PCDHGA3: variants seen among roughly 807,000 people sequenced by gnomAD.
The protein encoded by PCDHGA3 is protocadherin gamma subfamily A, 3, also known as protocadherin gamma-A3.
A neutral mutation model predicts 58.5 loss-of-function variants in PCDHGA3; 40 were observed. That is an observed-to-expected ratio of 0.68 (90% CI 0.53 to 0.89). The LOEUF is 0.89. Ranked by LOEUF, PCDHGA3 falls within the 40% of genes least tolerant of loss-of-function variation. The pLI, the probability that PCDHGA3 is intolerant of heterozygous loss-of-function variation, is 0.00. For synonymous variants in PCDHGA3, 530 were observed against 525.7 expected (o/e 1.01, Z -0.11); for missense variants, 1,223 against 1,195.9 (o/e 1.02, Z -0.33).
intron 1 of PCDHGA3, among the ~76,000 whole-genome samples, chr5:141,369,647 A>G (rs987289952): frequency 1.3e-5 from 2 of 152,064 alleles, no homozygotes; most frequent in Admixed American, 6.6e-5. Context: ...TTTTGGGGGG[A>G]GATAATAAAG....
chr5:141,430,485 G>T (rs926788879), intron 1 of PCDHGA3: 2 of 252,972 alleles, frequency 7.9e-6, no homozygotes, highest in Non-Finnish European at 7.4e-6. Flanking sequence ...ATATAAAAAC[G>T]AAATATCCTT....
At chr5:141,418,922 C>A in intron 1 of PCDHGA3, 1 of 1,613,994 alleles carries the variant, frequency 6.2e-7, no homozygotes, top group Non-Finnish European at 8.5e-7. Context: ...ACTCTCTGAT[C>A]AGATTATGGA....
At chr5:141,419,757 G>C in intron 1 of PCDHGA3, 1 of 1,613,994 alleles carries the variant, frequency 6.2e-7, no homozygotes, top group Non-Finnish European at 8.5e-7. Flanking sequence ...CGTGCTTTGG[G>C]TGACAAGGAC....
intron 1 of PCDHGA3, chr5:141,362,249 T>A (rs1275406008): frequency 3.1e-6 from 5 of 1,614,024 alleles, no homozygotes; most frequent in Non-Finnish European, 4.2e-6. Flanking sequence ...CTCTTCTTCC[T>A]CGCGGTGATT....
Position 141,487,203 on chromosome 5 carries a change from G to A in PCDHGA3, c.2425-7604G>A, listed in dbSNP as rs765707343. 6.8e-6 allele frequency: 11 copies of A among 1,613,804 alleles called. No homozygotes were observed. The highest frequency in any genetic ancestry group is 5.3e-5 in the African/African-American group (4 of 74,890). The stretch of plus-strand genomic sequence containing the variant: ...ACTCATCCAGTTGTCCCAGATCTTC[G>A]AGAATCTTCAGCTCCAAGGGAAGGA... On this transcript the variant is annotated intron_variant, in intron 1 of 3. Transcript: ENST00000253812. This position sits in a 1 kb window ranked among gnomAD's most constrained non-coding sequence, Gnocchi z 5.0.
At chr5:141,408,045 A>G (rs544263424) in intron 1 of PCDHGA3, 8 of 1,236,658 alleles carry the variant, frequency 6.5e-6, no homozygotes, top group Admixed American at 3.0e-5. Flanking sequence ...CAGCTCCCAC[A>G]CAGAGCCTCC....
chr5:141,489,776 C>T lies in PCDHGA3; in HGVS notation c.2425-5031C>T. The T allele has an allele frequency of 6.2e-7, 1 of 1,614,202 alleles. No homozygotes were observed. Among genetic ancestry groups the T allele is most frequent in the Non-Finnish European group, 8.5e-7 (1 of 1,180,020 alleles). On this transcript the variant is annotated intron_variant, in intron 1 of 3. Transcript: ENST00000253812. This position sits in a 1 kb window ranked among gnomAD's most constrained non-coding sequence, Gnocchi z 4.5. ...ACTCTAAGCCCCAACAGCCACTTCT[C>T]TCTGAATGTGAAGACCCTAAAAGAT...
chr5:141,405,016 C>G (rs538744733), intron 1 of PCDHGA3: 1 of 1,613,888 alleles, frequency 6.2e-7, no homozygotes. Flanking sequence ...AGGCCTCAGA[C>G]CTTACCCTCT....
chr5:141,393,565 T>G, intron 1 of PCDHGA3: 1 of 1,613,912 alleles, frequency 6.2e-7, no homozygotes, highest in Non-Finnish European at 8.5e-7. Context: ...CGAGTGAAAG[T>G]CCTTGAGAAC....
chr5:141,456,700 C>G (rs1420857227), intron 1 of PCDHGA3, among the ~76,000 whole-genome samples: 2 of 152,060 alleles, frequency 1.3e-5, no homozygotes, highest in Admixed American at 1.3e-4. Flanking sequence ...CGTGGTGGCT[C>G]GCGCCTGTAA....
intron 1 of PCDHGA3, chr5:141,423,057 T>C (rs1443300486): frequency 6.2e-7 from 1 of 1,614,060 alleles, no homozygotes; most frequent in Non-Finnish European, 8.5e-7. Flanking sequence ...ATCGCCTGCT[T>C]AAGGCCAGCG....
intron 1 of PCDHGA3, chr5:141,390,140 A>G (rs747174609): frequency 3.5e-5 from 57 of 1,613,798 alleles, no homozygotes; most frequent in Middle Eastern, 1.6e-4. Context: ...CCTACAATCT[A>G]TGTGTTGCAC....
intron 1 of PCDHGA3, chr5:141,414,204 T>C (rs748616910): frequency 1.2e-6 from 2 of 1,612,266 alleles, no homozygotes; most frequent in East Asian, 2.2e-5. Flanking sequence ...CAGTAGAAGA[T>C]GTAAATGACA....
intron 1 of PCDHGA3, among the ~76,000 whole-genome samples, chr5:141,435,367 A>C (rs2097758993): frequency 1.3e-5 from 2 of 152,194 alleles, no homozygotes; most frequent in African/African-American, 4.8e-5. Flanking sequence ...TTTATCACTT[A>C]AATATACAAT....
At chr5:141,375,557 G>T (rs1160596322) in intron 1 of PCDHGA3, 1 of 1,613,988 alleles carries the variant, frequency 6.2e-7, no homozygotes, top group Admixed American at 1.7e-5. Context: ...CTACTCACTG[G>T]CAGAAGACAC....
intron 2 of PCDHGA3, among the ~76,000 whole-genome samples, chr5:141,498,404 C>T (rs1283586713): frequency 6.6e-6 from 1 of 152,104 alleles, no homozygotes; most frequent in African/African-American, 2.4e-5. Context: ...AGGGAGTTTT[C>T]TCTTTGCTGG....
chr5:141,507,365 C>G (rs1279257057), intron 3 of PCDHGA3: 1 of 152,092 alleles, frequency 6.6e-6, no homozygotes, highest in African/African-American at 2.4e-5. Context: ...ACTGGGAGCC[C>G]TGTACTTTTA....
intron 1 of PCDHGA3, chr5:141,399,911 G>A: frequency 6.2e-7 from 1 of 1,612,384 alleles, no homozygotes; most frequent in Non-Finnish European, 8.5e-7. Flanking sequence ...GCAGACTCAG[G>A]ACACAACGCC....
In PCDHGA3 at chr5:141,487,680, A is replaced by G; in HGVS notation, c.2425-7127A>G. On this transcript the variant is annotated intron_variant, in intron 1 of 3. Coordinates refer to ENST00000253812, the MANE Select transcript of PCDHGA3 (RefSeq NM_018916.4). This position sits in a 1 kb window ranked among gnomAD's most constrained non-coding sequence, Gnocchi z 5.0. ...TCTGATCCAGGCATATGGCTAGGCC[A>G]TGTCCTAGAGAGTACTGGCCTCTCA... 6.2e-7 allele frequency: 1 copy of G among 1,609,370 alleles called. No individual in the cohort carries two copies. The highest frequency in any genetic ancestry group is 2.2e-5 in the East Asian group (1 of 44,826).
Sources: gnomAD v4.1 joint callset for allele counts (sites outside exome capture counted in the v4.1 genomes callset) on GRCh38, gnomAD v4.1.1 for gene constraint, Gnocchi (gnomAD v3.1) non-coding constraint, MANE v1.5 for transcripts, NCBI Gene and HGNC (gene_info 2026-07-23, HGNC 2026-07-21) for gene names.